The following TSPAN9 variants were observed in gnomAD, a reference collection of about 807,000 sequenced individuals.
The protein encoded by TSPAN9 is tetraspanin 9.
Under a neutral mutation model 31.0 loss-of-function variants are expected in TSPAN9, and 16 were observed. That is an observed-to-expected ratio of 0.52 (90% CI 0.35 to 0.78). The LOEUF is 0.78. Among genes scored for constraint, TSPAN9 ranks in the 30% least tolerant of loss-of-function variants. The pLI is 0.01. For missense variants in TSPAN9, 272 were observed against 312.5 expected (o/e 0.87, Z 0.98); for synonymous variants, 145 against 121.6 (o/e 1.19, Z -1.27).
intron 2 of TSPAN9, among the ~76,000 whole-genome samples, chr12:3,167,022 C>T (rs1224471482): frequency 1.3e-5 from 2 of 152,146 alleles, no homozygotes; most frequent in African/African-American, 4.8e-5. Flanking sequence ...GTCTCGGACT[C>T]CTGACCTCAG....
At chr12:3,201,607 G>T (rs7488997) in intron 3 of TSPAN9, among the ~76,000 whole-genome samples, 136,566 of 152,226 alleles carry the variant, frequency 0.9, 61,823 homozygotes, top group East Asian at 0.96. Context: ...CTCAGAATTT[G>T]TAACAGCTGT....
chr12:3,118,049 A>T lies in TSPAN9; in HGVS notation c.-18+34330A>T, dbSNP rs1413836715. Among the ~76,000 whole-genome samples the T allele has an allele frequency of 4.7e-5, 7 of 148,600 alleles. No homozygotes were observed. In the East Asian group the frequency reaches 1.2e-3, roughly 26 times the overall value. On this transcript the variant is annotated intron_variant, in intron 2 of 8. Coordinates refer to ENST00000011898, the MANE Select transcript of TSPAN9 (RefSeq NM_006675.5). The stretch of plus-strand genomic sequence containing the variant: ...GGGCCTGCCACTCTCCAGTTATGTG[A>T]CATGGGAAGCTATTTAAGACTCTTT...
intron 3 of TSPAN9, among the ~76,000 whole-genome samples, chr12:3,212,120 T>C (rs111982671): frequency 0.092 from 14,044 of 152,070 alleles, 736 homozygotes; most frequent in South Asian, 0.17. Context: ...TACAGGTGTG[T>C]GCCACCATGC....
Position 3,201,242 on chromosome 12 carries a change from A to G in TSPAN9, c.49A>G (p.Asn17Asp). The G allele has an allele frequency of 3.7e-6, 6 of 1,614,014 alleles. No individual in the cohort carries two copies. The highest frequency in any genetic ancestry group is 5.1e-6 in the Non-Finnish European group (6 of 1,180,004). ...CTTGAAGTACATGATGTTCCTCTTCAATTTGATATTCTGGGTAAGTCCTTC... is the reference window on the plus strand; with the variant it reads ...CTTGAAGTACATGATGTTCCTCTTCGATTTGATATTCTGGGTAAGTCCTTC... The part of the protein sequence containing the change: ...CCLKYMMFLF[N>D]LIFWLCGCGL... Residue 17 changes from asparagine to aspartate, a missense_variant, in exon 3 of 9, where the codon AAT becomes GAT. Asn to Asp is a conservative substitution (Grantham distance 23, BLOSUM62 1). Transcript: ENST00000011898.
At chr12:3,236,489 C>T (rs972152207) in intron 3 of TSPAN9, among the ~76,000 whole-genome samples, 5 of 152,190 alleles carry the variant, frequency 3.3e-5, no homozygotes, top group South Asian at 2.1e-4. Flanking sequence ...ACTTCAGCTG[C>T]CTGCCTCTGA....
chr12:3,153,042 C>T (rs1349427160), intron 2 of TSPAN9, among the ~76,000 whole-genome samples: 1 of 152,192 alleles, frequency 6.6e-6, no homozygotes, highest in Non-Finnish European at 1.5e-5. Context: ...TTTTATGGTG[C>T]GTGCACGCCT....
At chr12:3,269,914 A>G (rs113266375) in intron 3 of TSPAN9, among the ~76,000 whole-genome samples, 2,120 of 152,374 alleles carry the variant, frequency 0.014, 55 homozygotes, top group African/African-American at 0.049. Context: ...CCCCGCGTGC[A>G]CAGCCTGTCC....
Position 3,285,422 on chromosome 12 carries a change from C to CTTTG in TSPAN9, c.*2307_*2310dup, listed in dbSNP as rs71577866. On this transcript the variant is annotated 3_prime_UTR_variant, in exon 9 of 9. Coordinates refer to ENST00000011898, the MANE Select transcript of TSPAN9 (RefSeq NM_006675.5). Reference sequence around the variant, plus strand: ...CAGGGGTGGCCTCTGGCCCCAGAGCCTTTGCCACAGTGCTCCCACCAGCCC... The same window carrying CTTTG: ...CAGGGGTGGCCTCTGGCCCCAGAGCCTTTGTTTGCCACAGTGCTCCCACCAGCCC... 9.6e-3 allele frequency: 1,458 copies of CTTTG among 152,380 alleles called. 18 individuals are homozygous for CTTTG. Among genetic ancestry groups the CTTTG allele is most frequent in the Middle Eastern group, 0.024 (7 of 294 alleles). 9.4% of individuals were successfully genotyped at this position (152,380 alleles called of 1,614,324 possible).
intron 3 of TSPAN9, among the ~76,000 whole-genome samples, chr12:3,208,319 G>C (rs987465501): frequency 6.6e-6 from 1 of 152,200 alleles, no homozygotes; most frequent in African/African-American, 2.4e-5. Flanking sequence ...CAGCTGGGAG[G>C]GCCAGGGGGG....
chr12:3,137,985 G>A (rs1379948846), intron 2 of TSPAN9, among the ~76,000 whole-genome samples: 1 of 152,140 alleles, frequency 6.6e-6, no homozygotes, highest in Non-Finnish European at 1.5e-5. Flanking sequence ...GTGAGGAGTC[G>A]GGTGTCTGGG....
At position 3,280,455 on chromosome 12, in the gene TSPAN9, A is replaced by G. The variant is rs1435673633; in HGVS notation, c.404A>G (p.Lys135Arg). The G allele has an allele frequency of 6.2e-7, 1 of 1,612,906 alleles. No homozygotes were observed. Among genetic ancestry groups the G allele is most frequent in the Admixed American group, 1.7e-5 (1 of 59,988 alleles). ...LYHTENNVGL[K>R]NAWNIIQAEM... ...CACACCGAGAACAACGTGGGGCTGAAGAACGCCTGGAACATCATCCAGGCT... is the reference window on the plus strand; with the variant it reads ...CACACCGAGAACAACGTGGGGCTGAGGAACGCCTGGAACATCATCCAGGCT... Residue 135 changes from lysine (K) to arginine (R), a missense_variant, in exon 6 of 9, where the codon AAG becomes AGG. By Grantham distance (26) the Lys-to-Arg change is conservative. Coordinates refer to ENST00000011898, the MANE Select transcript of TSPAN9 (RefSeq NM_006675.5). The surrounding 1 kb of genome is among the most constrained non-coding windows in gnomAD (Gnocchi z 4.5).
At chr12:3,267,343 G>A (rs1003145038) in intron 3 of TSPAN9, among the ~76,000 whole-genome samples, 1 of 152,156 alleles carries the variant, frequency 6.6e-6, no homozygotes, top group East Asian at 1.9e-4. Flanking sequence ...TCATCCCCAC[G>A]GTGTCCCTGA....
chr12:3,250,772 A>G (rs1329962525), intron 3 of TSPAN9, among the ~76,000 whole-genome samples: 1 of 152,186 alleles, frequency 6.6e-6, no homozygotes, highest in Non-Finnish European at 1.5e-5. Flanking sequence ...GGAGCGCCAG[A>G]GGTATGCAGA....
intron 2 of TSPAN9, among the ~76,000 whole-genome samples, chr12:3,085,798 T>A (rs908391091): frequency 3.9e-5 from 6 of 152,234 alleles, no homozygotes; most frequent in African/African-American, 1.2e-4. Flanking sequence ...GCCTGCCTTC[T>A]GCCTCTGACT....
chr12:3,280,500 C>T lies in TSPAN9; in HGVS notation c.432+17C>T, dbSNP rs754125139. The T allele has an allele frequency of 6.2e-7, 1 of 1,606,396 alleles. No individual in the cohort carries two copies. The highest frequency in any genetic ancestry group is 8.5e-7 in the Non-Finnish European group (1 of 1,177,790). On this transcript the variant is annotated intron_variant, in intron 6 of 8. Coordinates refer to ENST00000011898, the MANE Select transcript of TSPAN9 (RefSeq NM_006675.5). The surrounding 1 kb of genome is among the most constrained non-coding windows in gnomAD (Gnocchi z 4.5). ...CAGGCTGAGGTGCGGGCTGGGCCGC[C>T]CTGGTGGGGCCAGGCAGGGAGGAGG...
intron 8 of TSPAN9, chr12:3,282,154 C>T (rs1377636366): frequency 3.3e-6 from 2 of 611,492 alleles, no homozygotes; most frequent in Non-Finnish European, 5.9e-6. Flanking sequence ...CCCCGGTCAC[C>T]ATCTTTACAG....
chr12:3,274,833 C>A (rs1202142132), intron 3 of TSPAN9, among the ~76,000 whole-genome samples: 1 of 152,246 alleles, frequency 6.6e-6, no homozygotes, highest in Non-Finnish European at 1.5e-5. Context: ...CACAGGCCTC[C>A]TCACTGGGCA....
At position 3,187,795 on chromosome 12, in the gene TSPAN9, C is replaced by T. The variant is rs1042249385; in HGVS notation, c.-17-13382C>T. On this transcript the variant is annotated intron_variant, in intron 2 of 8. Coordinates refer to ENST00000011898, the MANE Select transcript of TSPAN9 (RefSeq NM_006675.5). The surrounding 1 kb of genome is among the most constrained non-coding windows in gnomAD (Gnocchi z 5.2). ...CATGCAAGCCCAACACGTACCCCTTCTCCAAGAAGCCCTTCCTGATGGGCC... is the reference window on the plus strand; with the variant it reads ...CATGCAAGCCCAACACGTACCCCTTTTCCAAGAAGCCCTTCCTGATGGGCC... 5.3e-5 allele frequency among the ~76,000 whole-genome samples: 8 copies of T among 152,144 alleles called. No individual in the cohort carries two copies. Among genetic ancestry groups the T allele is most frequent in the Admixed American group, 1.3e-4 (2 of 15,282 alleles).
chr12:3,172,662 G>A lies in TSPAN9; in HGVS notation c.-17-28515G>A, dbSNP rs954491122. On this transcript the variant is annotated intron_variant, in intron 2 of 8. Transcript: ENST00000011898. This position sits in a 1 kb window ranked among gnomAD's most constrained non-coding sequence, Gnocchi z 4.8. ...CTGGTACAAGTGAGGACTGAGATGG[G>A]CGATGGGGTGGGCGGTGCGATGGGC... 10 of 152,246 alleles carry A rather than the reference G, an allele frequency of 6.6e-5. No individual in the cohort carries two copies. The highest frequency in any genetic ancestry group is 2.4e-4 in the African/African-American group (10 of 41,432). The allele number at this position is 152,246 out of a possible 1,614,324, so 9.4% of individuals were successfully genotyped here. A position where few individuals can be genotyped will look rare whatever the true frequency, so the allele number is the denominator to read the frequency against.
Sources: gnomAD v4.1 joint callset for allele counts (sites outside exome capture counted in the v4.1 genomes callset) on GRCh38, gnomAD v4.1.1 for gene constraint, Gnocchi (gnomAD v3.1) non-coding constraint, MANE v1.5 for transcripts, NCBI Gene and HGNC (gene_info 2026-07-23, HGNC 2026-07-21) for gene names.